The following TEX10 variants were observed in gnomAD, a reference collection of about 807,000 sequenced individuals.
TEX10 encodes testis expressed 10, also known as testis-expressed protein 10.
TEX10 carries 24 observed loss-of-function variants against 104.4 expected under a neutral mutation model. The observed-to-expected ratio is 0.23, with a 90% CI of 0.17 to 0.32. TEX10 has a LOEUF of 0.32. Among genes scored for constraint, TEX10 ranks in the 10% least tolerant of loss-of-function variants. TEX10 has a pLI of 1.00. For synonymous variants in TEX10, 396 were observed against 393.4 expected (o/e 1.01, Z -0.08); for missense variants, 921 against 1,083.9 (o/e 0.85, Z 2.11).
chr9:100,326,213 G>A (rs759217333), intron 9 of TEX10, 89 bp downstream of exon 9: 115 of 1,398,116 alleles, frequency 8.2e-5, no homozygotes, highest in Middle Eastern at 2.3e-4. Context: ...TAGTGTATGC[G>A]ACTTCAAAAG....
chr9:100,311,658 A>G (rs930742020), intron 11 of TEX10, among the ~76,000 whole-genome samples: 1 of 152,234 alleles, frequency 6.6e-6, no homozygotes, highest in Non-Finnish European at 1.5e-5. Flanking sequence ...CTCTAAAGGT[A>G]AAAAAGAAAT....
At position 100,302,098 on chromosome 9, in the gene TEX10, A is replaced by G; in HGVS notation, c.*93T>C. The G allele has an allele frequency of 1.4e-6, 1 of 732,348 alleles. No individual in the cohort carries two copies. Among genetic ancestry groups the G allele is most frequent in the South Asian group, 3.2e-5 (1 of 31,214 alleles). The allele number at this position is 732,348 out of a possible 1,614,324, so 45.4% of individuals were successfully genotyped here. On this transcript the variant is annotated 3_prime_UTR_variant, in exon 15 of 15. Coordinates refer to ENST00000374902, the MANE Select transcript of TEX10 (RefSeq NM_017746.4). ...GGTTCGTAAACTTCTTTAAAAGTTC[A>G]GCTTTAATGACAAAGATCTATTACA... is the stretch of plus-strand genomic sequence containing the variant.
At chr9:100,316,910 A>AAAAAAAAAAAAAC (rs1564205987) in intron 11 of TEX10, among the ~76,000 whole-genome samples, 1 of 145,890 alleles carries the variant, frequency 6.9e-6, no homozygotes, top group Non-Finnish European at 1.5e-5. Flanking sequence ...AAAAAAAAAA[A>AAAAAAAAAAAAAC]AAAAAACCTA....
chr9:100,348,635 C>G (rs568426670), intron 2 of TEX10, among the ~76,000 whole-genome samples: 1 of 152,296 alleles, frequency 6.6e-6, no homozygotes, highest in East Asian at 1.9e-4. Flanking sequence ...CAGATACAGC[C>G]AGGTGCCGTG....
In TEX10 at chr9:100,302,937, C is replaced by CCT. The variant is rs67326474; in HGVS notation, c.2677-634_2677-633insAG. Among the ~76,000 whole-genome samples the CCT allele has an allele frequency of 8.9e-5, 10 of 112,954 alleles. No homozygotes were observed. The East Asian group carries it at 2.1e-3, about 23-fold the overall frequency. 74.1% of individuals were successfully genotyped at this position (112,954 alleles called of 152,430 possible). A position where few individuals can be genotyped will look rare whatever the true frequency, so the allele number is the denominator to read the frequency against. ...AGACACTTTTTTAACCGCCCCCCCC[C>CCT]CAAACTAAAATCACCAAAGGAATCC... is the stretch of plus-strand genomic sequence containing the variant. On this transcript the variant is annotated intron_variant, in intron 14 of 14. Coordinates refer to ENST00000374902, the MANE Select transcript of TEX10 (RefSeq NM_017746.4).
chr9:100,311,496 A>G (rs2118838552), intron 11 of TEX10, among the ~76,000 whole-genome samples: 1 of 152,320 alleles, frequency 6.6e-6, no homozygotes, highest in East Asian at 1.9e-4. Context: ...CTGTATTTCT[A>G]TTGAGTGCTA....
intron 10 of TEX10, 48 bp downstream of exon 10, chr9:100,321,634 AT>A: frequency 7.1e-7 from 1 of 1,416,652 alleles, no homozygotes; most frequent in Non-Finnish European, 9.9e-7. Context: ...GAGAATTGTG[AT>A]TCATATTAGG....
Position 100,302,982 on chromosome 9 carries a change from GGCCA to G in TEX10, c.2676+646_2676+649del, listed in dbSNP as rs1484165480. 9.1e-5 allele frequency among the ~76,000 whole-genome samples: 13 copies of G among 143,136 alleles called. No individual in the cohort carries two copies. In the East Asian group the frequency reaches 3.1e-3, roughly 34 times the overall value. The allele number at this position is 143,136 out of a possible 152,430, so 93.9% of individuals were successfully genotyped here. A position where few individuals can be genotyped will look rare whatever the true frequency, so the allele number is the denominator to read the frequency against. On this transcript the variant is annotated intron_variant, in intron 14 of 14. Transcript: ENST00000374902. ...GAATCCTAAACAACAGAGCTGTCCC[GGCCA>G]AACAGACACAGCTGAAGGCAGAGAG...
In TEX10 at chr9:100,314,952, A is replaced by G. The variant is rs550279215; in HGVS notation, c.2203-4573T>C. Among the ~76,000 whole-genome samples the G allele has an allele frequency of 2.6e-5, 4 of 152,146 alleles. No homozygotes were observed. In the East Asian group the frequency reaches 7.7e-4, roughly 29 times the overall value. On this transcript the variant is annotated intron_variant, in intron 11 of 14. Coordinates refer to ENST00000374902, the MANE Select transcript of TEX10 (RefSeq NM_017746.4). ...TGTTTCTAAAATGTTTTGAATTTCT[A>G]TTTTAATTTCTTCAGTGACTCAATG... is the stretch of plus-strand genomic sequence containing the variant.
intron 2 of TEX10, among the ~76,000 whole-genome samples, chr9:100,348,982 T>C (rs1280307371): frequency 6.6e-6 from 1 of 152,178 alleles, no homozygotes. Context: ...GCATTTAGTT[T>C]AGCGAACGTT....
At chr9:100,348,010 T>A (rs972669557) in intron 2 of TEX10, among the ~76,000 whole-genome samples, 2 of 152,228 alleles carry the variant, frequency 1.3e-5, no homozygotes, top group African/African-American at 4.8e-5. Context: ...AAACTAAATG[T>A]TCATCAACTG....
At chr9:100,307,473 A>C (rs1409939820) in intron 13 of TEX10, 2 of 152,266 alleles carry the variant, frequency 1.3e-5, no homozygotes, top group Non-Finnish European at 2.9e-5. Flanking sequence ...AATGAAATAC[A>C]GCTGAATGAG....
intron 5 of TEX10, among the ~76,000 whole-genome samples, chr9:100,338,129 C>T (rs1183509035): frequency 6.6e-6 from 1 of 152,142 alleles, no homozygotes; most frequent in Non-Finnish European, 1.5e-5. Context: ...AGGGGTGGTA[C>T]AAAGGGCCTA....
intron 9 of TEX10, among the ~76,000 whole-genome samples, chr9:100,324,163 G>A (rs1834645625): frequency 6.6e-6 from 1 of 152,066 alleles, no homozygotes; most frequent in Admixed American, 6.6e-5. Context: ...CTCCTGAGTA[G>A]CTGGGGTTAC....
At chr9:100,311,657 TA>T (rs1158209675) in intron 11 of TEX10, among the ~76,000 whole-genome samples, 1 of 152,058 alleles carries the variant, frequency 6.6e-6, no homozygotes, top group African/African-American at 2.4e-5. Context: ...TCTCTAAAGG[TA>T]AAAAAGAAAT....
chr9:100,309,836 T>C (rs1420611422), intron 12 of TEX10, among the ~76,000 whole-genome samples: 4 of 152,104 alleles, frequency 2.6e-5, no homozygotes, highest in Non-Finnish European at 5.9e-5. Context: ...AAATGAGACA[T>C]CCAATATCAA....
intron 5 of TEX10, 45 bp from the exon 6 acceptor site, chr9:100,330,214 T>G (rs1453868043): frequency 1.5e-5 from 20 of 1,331,790 alleles, no homozygotes; most frequent in Non-Finnish European, 2.0e-5. Context: ...ACGTCTACCA[T>G]GCCTGCTTCA....
intron 9 of TEX10, among the ~76,000 whole-genome samples, chr9:100,323,138 T>C (rs899628177): frequency 1.9e-4 from 29 of 152,156 alleles, no homozygotes; most frequent in African/African-American, 7.0e-4. Flanking sequence ...TGCCATCCAG[T>C]GGCCAAAAGG....
chr9:100,321,822 C>T (rs766974511), intron 9 of TEX10, 51 bp from the exon 10 acceptor site: 2 of 1,381,952 alleles, frequency 1.4e-6, no homozygotes, highest in Non-Finnish European at 2.1e-6. Context: ...ACTTGACAGA[C>T]TTGTCAAAGG....
Sources: allele counts gnomAD v4.1 joint callset (sites outside exome capture counted in the v4.1 genomes callset), GRCh38; gene constraint gnomAD v4.1.1; transcripts MANE v1.5; gene names NCBI Gene and HGNC (gene_info 2026-07-23, HGNC 2026-07-21).